DLG2: variants seen among roughly 807,000 people sequenced by gnomAD.
The protein encoded by DLG2 is disks large homolog 2.
DLG2 carries 45 observed loss-of-function variants against 132.5 expected under a neutral mutation model. That is an observed-to-expected ratio of 0.34 (90% CI 0.27 to 0.44). The LOEUF (loss-of-function observed/expected upper bound fraction) is 0.44, where lower values mean the gene tolerates loss of function less well. DLG2 is among the 20% of genes least tolerant of loss of function. The pLI is 1.00. For synonymous variants in DLG2, 424 were observed against 419.6 expected (o/e 1.01, Z -0.13); for missense variants, 1,045 against 1,196.9 (o/e 0.87, Z 1.87).
At chr11:85,012,713 AAAG>A (rs2059247282) in intron 6 of DLG2, among the ~76,000 whole-genome samples, 2 of 152,278 alleles carry the variant, frequency 1.3e-5, no homozygotes, top group South Asian at 4.1e-4. Context: ...AATACCATAG[AAAG>A]AAGGATATTC....
intron 4 of DLG2, among the ~76,000 whole-genome samples, chr11:85,159,665 G>A (rs2077875344): frequency 6.6e-6 from 1 of 152,172 alleles, no homozygotes; most frequent in Non-Finnish European, 1.5e-5. Context: ...ATCATTGCTT[G>A]AGCAAATTAA....
chr11:85,272,328 ATG>A (rs1442249338), intron 4 of DLG2, among the ~76,000 whole-genome samples: 10 of 152,186 alleles, frequency 6.6e-5, no homozygotes, highest in Admixed American at 6.5e-4. Context: ...AGTCTCAGAT[ATG>A]TCTTTATCAG....
intron 11 of DLG2, among the ~76,000 whole-genome samples, chr11:84,035,672 G>A (rs2095846265): frequency 6.6e-6 from 1 of 152,192 alleles, no homozygotes; most frequent in Admixed American, 6.5e-5. Flanking sequence ...ATAGTTTGCA[G>A]CTGGGGTTGA....
chr11:83,634,714 C>A lies in DLG2; in HGVS notation c.1826-1389G>T, dbSNP rs1386904506. Among the ~76,000 whole-genome samples, 4 of 152,118 alleles carry A rather than the reference C, an allele frequency of 2.6e-5. No individual in the cohort carries two copies. In the South Asian group the frequency reaches 8.3e-4, roughly 32 times the overall value. On this transcript the variant is annotated intron_variant, in intron 18 of 27. Transcript: ENST00000376104. ...AGTTCTATAAAATGTAATTTCATTT[C>A]AACTTACTGGATATGTATTGATTAA...
chr11:84,331,665 G>A (rs1600058788), intron 7 of DLG2, among the ~76,000 whole-genome samples: 1 of 151,846 alleles, frequency 6.6e-6, no homozygotes, highest in East Asian at 1.9e-4. Flanking sequence ...TGGTGAGAAG[G>A]CCAAGCAGAA....
chr11:85,145,354 G>A lies in DLG2; in HGVS notation c.282+9202C>T, dbSNP rs145307885. ...AATTTTCTATGACCTTCGTCTACCCGATAATATTTTTTCTAGGTTTGGAAA... is the reference window on the plus strand; with the variant it reads ...AATTTTCTATGACCTTCGTCTACCCAATAATATTTTTTCTAGGTTTGGAAA... On this transcript the variant is annotated intron_variant, in intron 5 of 27. Coordinates refer to ENST00000376104, the MANE Select transcript of DLG2 (RefSeq NM_001142699.3). Among the ~76,000 whole-genome samples, 30 of 152,048 alleles carry A rather than the reference G, an allele frequency of 2.0e-4. 1 individual carries two copies. In the South Asian group the frequency reaches 2.3e-3, roughly 12 times the overall value.
At chr11:85,084,916 G>A (rs530323891) in intron 6 of DLG2, among the ~76,000 whole-genome samples, 13 of 152,164 alleles carry the variant, frequency 8.5e-5, no homozygotes, top group East Asian at 5.8e-4. Context: ...TTTGAATGTC[G>A]AAGATAGCCT....
chr11:84,747,124 G>A (rs2065478608), intron 6 of DLG2, among the ~76,000 whole-genome samples: 1 of 152,068 alleles, frequency 6.6e-6, no homozygotes, highest in African/African-American at 2.4e-5. Flanking sequence ...TTGTAGTTGA[G>A]GAATAAATAC....
intron 4 of DLG2, among the ~76,000 whole-genome samples, chr11:85,268,485 G>C (rs971136334): frequency 6.6e-6 from 1 of 152,078 alleles, no homozygotes; most frequent in Non-Finnish European, 1.5e-5. Context: ...GCTGTGCCCT[G>C]ACCACCTTGG....
chr11:84,356,900 G>T (rs996441239), intron 7 of DLG2, among the ~76,000 whole-genome samples: 14 of 151,910 alleles, frequency 9.2e-5, no homozygotes, highest in Admixed American at 2.0e-4. Flanking sequence ...TATTTGGAGG[G>T]GACTATTCCA....
At chr11:83,778,637 G>A (rs577000168) in intron 18 of DLG2, among the ~76,000 whole-genome samples, 3 of 152,120 alleles carry the variant, frequency 2.0e-5, no homozygotes, top group South Asian at 4.1e-4. Flanking sequence ...CCATTCCCAG[G>A]ATAGATAATG....
intron 2 of DLG2, among the ~76,000 whole-genome samples, chr11:85,608,711 G>T (rs1329781170): frequency 1.3e-5 from 2 of 152,024 alleles, no homozygotes; most frequent in Non-Finnish European, 2.9e-5. Context: ...GGGGAATTTG[G>T]CCCCACCCAG....
At chr11:84,766,201 C>T (rs189022414) in intron 6 of DLG2, among the ~76,000 whole-genome samples, 10 of 152,110 alleles carry the variant, frequency 6.6e-5, no homozygotes, top group Admixed American at 2.6e-4. Flanking sequence ...ATTGTAGTGT[C>T]ATTTTAGCCT....
At chr11:84,901,920 T>A (rs954035670) in intron 6 of DLG2, among the ~76,000 whole-genome samples, 2 of 152,240 alleles carry the variant, frequency 1.3e-5, no homozygotes, top group South Asian at 4.1e-4. Flanking sequence ...AAGGCTGAGT[T>A]TGCAACACTA....
intron 18 of DLG2, chr11:83,724,733 GA>G: frequency 4.7e-6 from 3 of 639,600 alleles, no homozygotes; most frequent in African/African-American, 1.8e-5. Context: ...AAACGGCAGG[GA>G]AAGGCTGTTT....
At chr11:84,167,051 T>G in intron 8 of DLG2, 1 of 527,198 alleles carries the variant, frequency 1.9e-6, no homozygotes, top group South Asian at 1.4e-5. Context: ...TGTCACAGCC[T>G]CCTCTCTACT....
At position 84,032,329 on chromosome 11, in the gene DLG2, T is replaced by C. The variant is rs539141836; in HGVS notation, c.919+26986A>G. ...GAAGGAAATTGAAAGTGTGACTCCA[T>C]TGAAAGCAAAAGAGCTTTATCACTG... is the stretch of plus-strand genomic sequence containing the variant. On this transcript the variant is annotated intron_variant, in intron 11 of 27. Coordinates refer to ENST00000376104, the MANE Select transcript of DLG2 (RefSeq NM_001142699.3). 3.3e-3 allele frequency among the ~76,000 whole-genome samples: 500 copies of C among 152,256 alleles called. 6 individuals carry two copies. Among genetic ancestry groups the C allele is most frequent in the South Asian group, 0.018 (87 of 4,826 alleles).
chr11:85,531,855 C>A (rs1021461745), intron 3 of DLG2, among the ~76,000 whole-genome samples: 13 of 152,252 alleles, frequency 8.5e-5, no homozygotes, highest in Non-Finnish European at 1.2e-4. Flanking sequence ...CTCCCAATAA[C>A]CCTGTGAGAA....
intron 22 of DLG2, among the ~76,000 whole-genome samples, chr11:83,482,052 A>G (rs1046092672): frequency 4.6e-5 from 7 of 152,076 alleles, no homozygotes; most frequent in Non-Finnish European, 7.4e-5. Context: ...GCTGAAATCA[A>G]TATTTAAACT....
Sources: allele counts gnomAD v4.1 joint callset (sites outside exome capture counted in the v4.1 genomes callset), GRCh38; gene constraint gnomAD v4.1.1; transcripts MANE v1.5; gene names NCBI Gene and HGNC (gene_info 2026-07-23, HGNC 2026-07-21).